Variants in LRP1B observed in about 807,000 individuals in gnomAD.
LRP1B encodes the protein LDL receptor related protein 1B.
LRP1B carries 217 observed loss-of-function variants against 556.6 expected under a neutral mutation model. That is an observed-to-expected ratio of 0.39 (90% CI 0.35 to 0.44). The LOEUF (loss-of-function observed/expected upper bound fraction) is 0.44, where lower values mean the gene tolerates loss of function less well. Ranked by LOEUF, LRP1B falls within the 20% of genes least tolerant of loss-of-function variation. LRP1B has a pLI of 1.00. For synonymous variants in LRP1B, 2,047 were observed against 1,865.8 expected, an observed-to-expected ratio of 1.10 and a Z score of -2.50; for missense variants, 5,053 against 5,620.8, an observed-to-expected ratio of 0.90 and a Z score of 3.23.
At chr2:141,275,811 G>T (rs1685264496) in intron 3 of LRP1B, among the ~76,000 whole-genome samples, 1 of 152,052 alleles carries the variant, frequency 6.6e-6, no homozygotes. Flanking sequence ...GGTGTCTTTG[G>T]AGAACAGAAA....
At chr2:140,741,617 T>C (rs1182294256) in intron 35 of LRP1B, among the ~76,000 whole-genome samples, 1 of 152,158 alleles carries the variant, frequency 6.6e-6, no homozygotes, top group Non-Finnish European at 1.5e-5. Flanking sequence ...GGTAGATTTT[T>C]AATTCTCACC....
intron 3 of LRP1B, among the ~76,000 whole-genome samples, chr2:141,266,013 G>T (rs770173185): frequency 6.6e-6 from 1 of 152,232 alleles, no homozygotes; most frequent in South Asian, 2.1e-4. Context: ...CATAACTTCT[G>T]TGTCAGGGAG....
At chr2:141,219,254 C>A (rs894056532) in intron 6 of LRP1B, among the ~76,000 whole-genome samples, 6 of 152,190 alleles carry the variant, frequency 3.9e-5, no homozygotes, top group Non-Finnish European at 5.9e-5. Flanking sequence ...CAGCCATTTT[C>A]CACTGCTGGT....
At chr2:140,415,937 C>T (rs528989662) in intron 66 of LRP1B, among the ~76,000 whole-genome samples, 22 of 152,276 alleles carry the variant, frequency 1.4e-4, no homozygotes, top group Non-Finnish European at 2.2e-4. Flanking sequence ...TGATTTTCCT[C>T]GAGAGGCCAT....
At chr2:142,090,512 C>T (rs1053177458) in intron 1 of LRP1B, among the ~76,000 whole-genome samples, 4 of 151,956 alleles carry the variant, frequency 2.6e-5, no homozygotes, top group Admixed American at 6.6e-5. Context: ...TAATGAGAAC[C>T]CAATGTTTTA....
Position 141,128,248 on chromosome 2 carries a change from C to T in LRP1B, c.1013+60173G>A, listed in dbSNP as rs370976188. Among the ~76,000 whole-genome samples, 9 of 152,190 alleles carry T rather than the reference C, an allele frequency of 5.9e-5. 1 individual carries two copies. In the South Asian group the frequency reaches 1.0e-3, roughly 18 times the overall value. ...TTTTATTTTTTGAATAATTAATTTACGGAAGTTTCAATCCTTCACTAGTTG... is the reference window on the plus strand; with the variant it reads ...TTTTATTTTTTGAATAATTAATTTATGGAAGTTTCAATCCTTCACTAGTTG... On this transcript the variant is annotated intron_variant, in intron 7 of 90. Transcript: ENST00000389484.
intron 1 of LRP1B, among the ~76,000 whole-genome samples, chr2:141,937,949 C>A (rs1313662652): frequency 6.6e-6 from 1 of 151,992 alleles, no homozygotes; most frequent in Non-Finnish European, 1.5e-5. Context: ...TAGAGATTAT[C>A]TTTTTTCTCA....
At chr2:142,127,208 G>A (rs528117671) in intron 1 of LRP1B, among the ~76,000 whole-genome samples, 2 of 151,776 alleles carry the variant, frequency 1.3e-5, no homozygotes, top group African/African-American at 2.4e-5. Context: ...ATTATATTCA[G>A]ATTCACACTG....
chr2:141,844,774 ACAT>A (rs1697588479), intron 1 of LRP1B, among the ~76,000 whole-genome samples: 2 of 152,124 alleles, frequency 1.3e-5, no homozygotes, highest in Middle Eastern at 3.4e-3. Context: ...TAAATTTGAA[ACAT>A]CATGATTTAA....
chr2:140,485,289 A>G, intron 59 of LRP1B, 54 bp downstream of exon 59: 2 of 1,376,316 alleles, frequency 1.5e-6, no homozygotes, highest in Non-Finnish European at 1.0e-6. Context: ...TAGATTTACT[A>G]CTATGAATGT....
intron 23 of LRP1B, among the ~76,000 whole-genome samples, chr2:140,892,650 T>C (rs1693831692): frequency 6.6e-6 from 1 of 152,138 alleles, no homozygotes. Context: ...TAGAAGTACA[T>C]TCCATGATTG....
At chr2:140,712,672 A>G (rs776621796) in intron 37 of LRP1B, among the ~76,000 whole-genome samples, 34 of 151,984 alleles carry the variant, frequency 2.2e-4, no homozygotes, top group Non-Finnish European at 1.3e-4. Context: ...CCCAGTTTGC[A>G]TCAGTTTATT....
intron 41 of LRP1B, among the ~76,000 whole-genome samples, chr2:140,660,731 A>G (rs975994059): frequency 1.3e-5 from 2 of 152,088 alleles, no homozygotes; most frequent in African/African-American, 4.8e-5. Flanking sequence ...ACATTCTCCA[A>G]CAGCTTTCAA....
At chr2:141,513,085 G>T (rs1684189095) in intron 2 of LRP1B, among the ~76,000 whole-genome samples, 1 of 152,114 alleles carries the variant, frequency 6.6e-6, no homozygotes, top group Non-Finnish European at 1.5e-5. Context: ...AGCCTCAGCA[G>T]TTAGAACTGA....
At chr2:140,357,942 G>A (rs771481043) in intron 74 of LRP1B, 37 bp downstream of exon 74, 2 of 1,587,010 alleles carry the variant, frequency 1.3e-6, no homozygotes, top group Non-Finnish European at 8.6e-7. Flanking sequence ...TTAGACTTGT[G>A]TATCCCGGTG....
At chr2:141,793,330 C>T (rs1695685053) in intron 2 of LRP1B, among the ~76,000 whole-genome samples, 1 of 151,874 alleles carries the variant, frequency 6.6e-6, no homozygotes, top group African/African-American at 2.4e-5. Context: ...TACACTTAAA[C>T]ACATTTTTGC....
intron 41 of LRP1B, among the ~76,000 whole-genome samples, chr2:140,691,398 A>G (rs7595471): frequency 0.84 from 126,358 of 150,850 alleles, 52,969 homozygotes; most frequent in Middle Eastern, 0.87. Context: ...TTGAACCTGG[A>G]AGGCGGAGGT....
chr2:140,307,518 G>C (rs1684119337), intron 83 of LRP1B, among the ~76,000 whole-genome samples: 1 of 151,562 alleles, frequency 6.6e-6, no homozygotes, highest in African/African-American at 2.4e-5. Context: ...ATGCTCCTAA[G>C]AATTCATATA....
At chr2:140,600,838 T>C (rs1682634923) in intron 42 of LRP1B, among the ~76,000 whole-genome samples, 2 of 145,424 alleles carry the variant, frequency 1.4e-5, no homozygotes, top group Non-Finnish European at 3.0e-5. Flanking sequence ...ACAATTTTTT[T>C]CTTTGTTTTT....
Sources: gnomAD v4.1 joint callset for allele counts (sites outside exome capture counted in the v4.1 genomes callset) on GRCh38, gnomAD v4.1.1 for gene constraint, MANE v1.5 for transcripts, NCBI Gene and HGNC (gene_info 2026-07-23, HGNC 2026-07-21) for gene names.